Variants in CTNNA2 observed in about 807,000 individuals in gnomAD.
CTNNA2 encodes the protein catenin alpha 2.
A neutral mutation model predicts 101.0 loss-of-function variants in CTNNA2; 42 were observed. The observed-to-expected ratio is 0.42, with a 90% confidence interval of 0.32 to 0.54. The LOEUF is 0.54. Among genes scored for constraint, CTNNA2 ranks in the 20% least tolerant of loss-of-function variants. CTNNA2 has a pLI of 0.14. For synonymous variants in CTNNA2, 450 were observed against 456.4 expected (o/e 0.99, Z 0.18); for missense variants, 871 against 1,223.1 (o/e 0.71, Z 4.29).
At chr2:79,562,209 A>G (rs189324958) in intron 1 of CTNNA2, among the ~76,000 whole-genome samples, 1 of 152,194 alleles carries the variant, frequency 6.6e-6, no homozygotes, top group East Asian at 1.9e-4. Context: ...TCAAAGATCC[A>G]TTGATAGAAA....
In CTNNA2 at chr2:80,547,690, C is replaced by CTTTTTTTTTTTTTTTTTTTTTTTTTT. The variant is rs61186189; in HGVS notation, c.1540+1643_1540+1644insTTTTTTTTTTTTTTTTTTTTTTTTTT. On this transcript the variant is annotated intron_variant, in intron 11 of 18. Coordinates refer to ENST00000402739, the MANE Select transcript of CTNNA2 (RefSeq NM_001282597.3). ...AGAACTCAATATATTGTCACTTCTG[C>CTTTTTTTTTTTTTTTTTTTTTTTTTT]TTTTTTTTTTTTTTTTGAGATGGAG... is the stretch of plus-strand genomic sequence containing the variant. Among the ~76,000 whole-genome samples, 6 of 124,312 alleles carry CTTTTTTTTTTTTTTTTTTTTTTTTTT rather than the reference C, an allele frequency of 4.8e-5. 2 individuals are homozygous for CTTTTTTTTTTTTTTTTTTTTTTTTTT. The highest frequency in any genetic ancestry group is 6.8e-5 in the African/African-American group (2 of 29,374). The allele number at this position is 124,312 out of a possible 152,430, so 81.6% of individuals were successfully genotyped here.
chr2:79,230,959 C>T (rs984434050), intron 2 of CTNNA2, among the ~76,000 whole-genome samples: 1 of 152,176 alleles, frequency 6.6e-6, no homozygotes, highest in Non-Finnish European at 1.5e-5. Flanking sequence ...CTGTATTTAC[C>T]AAATGCCTGT....
chr2:79,588,225 T>C (rs1676620991), intron 1 of CTNNA2, among the ~76,000 whole-genome samples: 1 of 152,232 alleles, frequency 6.6e-6, no homozygotes, highest in Non-Finnish European at 1.5e-5. Context: ...GAACAAAGAC[T>C]CTGAAGTTCC....
At chr2:80,117,327 T>G (rs1270916071) in intron 7 of CTNNA2, among the ~76,000 whole-genome samples, 2 of 152,202 alleles carry the variant, frequency 1.3e-5, no homozygotes, top group Non-Finnish European at 2.9e-5. Context: ...GCACATAGTT[T>G]ACATAAATTC....
chr2:80,021,313 C>T (rs1394725714), intron 7 of CTNNA2, among the ~76,000 whole-genome samples: 1 of 152,108 alleles, frequency 6.6e-6, no homozygotes, highest in Non-Finnish European at 1.5e-5. Context: ...AGCCACCACG[C>T]CCGGACTAAT....
intron 7 of CTNNA2, among the ~76,000 whole-genome samples, chr2:80,249,903 G>GT (rs1671620554): frequency 2.0e-5 from 3 of 152,132 alleles, no homozygotes; most frequent in East Asian, 3.9e-4. Flanking sequence ...CATGTTATTT[G>GT]TTTTTTATAT....
chr2:79,751,120 G>A (rs1002520155), intron 3 of CTNNA2, among the ~76,000 whole-genome samples: 18 of 152,212 alleles, frequency 1.2e-4, no homozygotes, highest in African/African-American at 3.1e-4. Context: ...TATTTAATGT[G>A]ATCATTGATT....
chr2:80,644,837 T>G (rs1673892189), intron 18 of CTNNA2, among the ~76,000 whole-genome samples: 1 of 152,204 alleles, frequency 6.6e-6, no homozygotes, highest in South Asian at 2.1e-4. Context: ...ATTTCAAAGC[T>G]ATCTCACTCT....
chr2:80,118,217 T>A (rs1013396531), intron 7 of CTNNA2, among the ~76,000 whole-genome samples: 1 of 152,244 alleles, frequency 6.6e-6, no homozygotes, highest in East Asian at 1.9e-4. Context: ...TGAACATTTT[T>A]TGTAAAACAT....
chr2:79,429,941 C>CATCTTT (rs1678638808), intron 4 of CTNNA2, among the ~76,000 whole-genome samples: 1 of 152,042 alleles, frequency 6.6e-6, no homozygotes, highest in Non-Finnish European at 1.5e-5. Flanking sequence ...TATTTCTTTG[C>CATCTTT]AGTAGTAACA....
At chr2:79,243,485 A>G (rs901115337) in intron 2 of CTNNA2, among the ~76,000 whole-genome samples, 4 of 152,174 alleles carry the variant, frequency 2.6e-5, no homozygotes, top group African/African-American at 9.7e-5. Context: ...GTCCTGTTTC[A>G]AACTCTTGCT....
At chr2:79,824,668 T>C (rs1413514713) in intron 3 of CTNNA2, among the ~76,000 whole-genome samples, 1 of 152,120 alleles carries the variant, frequency 6.6e-6, no homozygotes, top group Non-Finnish European at 1.5e-5. Flanking sequence ...AAATGTAGAA[T>C]ATTCTAGAGG....
chr2:80,311,678 G>A (rs534136498), intron 7 of CTNNA2, among the ~76,000 whole-genome samples: 1 of 152,264 alleles, frequency 6.6e-6, no homozygotes, highest in African/African-American at 2.4e-5. Context: ...GCTCTACGAG[G>A]GTAAAAGTAT....
intron 3 of CTNNA2, among the ~76,000 whole-genome samples, chr2:79,316,672 A>T (rs1235073027): frequency 6.6e-6 from 1 of 151,572 alleles, no homozygotes; most frequent in Non-Finnish European, 1.5e-5. Context: ...ACTATTTTTA[A>T]TATAATTATA....
At chr2:79,353,441 A>C (rs1290961897) in intron 3 of CTNNA2, among the ~76,000 whole-genome samples, 1 of 152,184 alleles carries the variant, frequency 6.6e-6, no homozygotes, top group African/African-American at 2.4e-5. Flanking sequence ...TACTGTGTGC[A>C]GGAGAGAATT....
chr2:80,341,659 C>T (rs1672261064), intron 7 of CTNNA2, among the ~76,000 whole-genome samples: 1 of 152,146 alleles, frequency 6.6e-6, no homozygotes, highest in Admixed American at 6.5e-5. Context: ...TCACTCATTG[C>T]TGATAGGAAT....
At chr2:80,383,817 G>T (rs1345851818) in intron 7 of CTNNA2, among the ~76,000 whole-genome samples, 2 of 152,050 alleles carry the variant, frequency 1.3e-5, no homozygotes, top group Non-Finnish European at 2.9e-5. Context: ...CATTACTTGG[G>T]TATATACCCA....
chr2:80,564,844 C>A (rs141754936), intron 12 of CTNNA2, among the ~76,000 whole-genome samples: 1 of 152,148 alleles, frequency 6.6e-6, no homozygotes, highest in African/African-American at 2.4e-5. Flanking sequence ...TACTGTTGTT[C>A]TTGCTCCTGG....
At chr2:79,592,331 CATGTTGACCAGGCTG>C (rs1396078388) in intron 1 of CTNNA2, among the ~76,000 whole-genome samples, 1 of 151,802 alleles carries the variant, frequency 6.6e-6, no homozygotes, top group African/African-American at 2.4e-5. Flanking sequence ...GGGGTTTCAC[CATGTTGACCAGGCTG>C]ATCTCGAACT....
Sources: allele counts gnomAD v4.1 joint callset (sites outside exome capture counted in the v4.1 genomes callset), GRCh38; gene constraint gnomAD v4.1.1; transcripts MANE v1.5; gene names NCBI Gene and HGNC (gene_info 2026-07-23, HGNC 2026-07-21).